ATP2A2: variants seen among roughly 807,000 people sequenced by gnomAD.
ATP2A2 encodes the protein sarcoplasmic/endoplasmic reticulum calcium ATPase 2.
Under a neutral mutation model 109.3 loss-of-function variants are expected in ATP2A2, and 14 were observed. The observed-to-expected ratio is 0.13, with a 90% CI of 0.08 to 0.20. The LOEUF is 0.20. Ranked by LOEUF, ATP2A2 falls within the 10% of genes least tolerant of loss-of-function variation. The probability of loss-of-function intolerance (pLI) is 1.00; values close to 1 mark genes in which losing one functional copy is unlikely to be tolerated. For synonymous variants in ATP2A2, 506 were observed against 490.9 expected (o/e 1.03, Z -0.41); for missense variants, 657 against 1,321.6 (o/e 0.50, Z 7.80).
intron 5 of ATP2A2, among the ~76,000 whole-genome samples, chr12:110,305,341 G>T (rs1399806805): frequency 6.6e-6 from 1 of 152,152 alleles, no homozygotes; most frequent in African/African-American, 2.4e-5. Flanking sequence ...AGTGGAGGCT[G>T]CAGTGAGCTA....
At chr12:110,292,962 A>G (rs979083641) in intron 4 of ATP2A2, among the ~76,000 whole-genome samples, 3 of 152,190 alleles carry the variant, frequency 2.0e-5, no homozygotes, top group African/African-American at 4.8e-5. Flanking sequence ...AGGTTTAGCT[A>G]TAAAAATTGT....
chr12:110,293,870 ATTTTTTTTTTTTTT>A (rs398021049), intron 4 of ATP2A2, among the ~76,000 whole-genome samples: 2 of 73,342 alleles, frequency 2.7e-5, no homozygotes, highest in African/African-American at 6.2e-5. Flanking sequence ...GTGTGTATAT[ATTTTTTTTTTTTTT>A]TTTTTTTTTT....
At chr12:110,303,570 C>G (rs562267236) in intron 5 of ATP2A2, among the ~76,000 whole-genome samples, 1 of 152,214 alleles carries the variant, frequency 6.6e-6, no homozygotes, top group South Asian at 2.1e-4. Flanking sequence ...ACCACCACGC[C>G]CAGCTAATTT....
intron 5 of ATP2A2, among the ~76,000 whole-genome samples, chr12:110,319,028 C>G (rs1876959914): frequency 6.6e-6 from 1 of 151,802 alleles, no homozygotes; most frequent in Non-Finnish European, 1.5e-5. Context: ...TTTGTAAAAC[C>G]TTTTTAAAAA....
Position 110,344,838 on chromosome 12 carries a change from C to T in ATP2A2, c.2522-48C>T, listed in dbSNP as rs779245524. 1.4e-5 allele frequency: 22 copies of T among 1,574,078 alleles called. 1 individual carries two copies. The highest frequency in any genetic ancestry group is 1.1e-4 in the South Asian group (10 of 90,304). On this transcript the variant is annotated intron_variant, in intron 16 of 19. Coordinates refer to ENST00000539276, the MANE Select transcript of ATP2A2 (RefSeq NM_170665.4). ...CTGGCCTGCATGGCCTCGGTGGCAG[C>T]GAGCCCTGCAGAGGCAAGTGCATCA...
chr12:110,326,677 A>G (rs1877835147), intron 7 of ATP2A2, among the ~76,000 whole-genome samples: 1 of 152,248 alleles, frequency 6.6e-6, no homozygotes, highest in South Asian at 2.1e-4. Flanking sequence ...GGGGGACCAA[A>G]AAATAATGAC....
At chr12:110,343,795 G>A (rs1879583327) in intron 16 of ATP2A2, among the ~76,000 whole-genome samples, 1 of 152,188 alleles carries the variant, frequency 6.6e-6, no homozygotes, top group Non-Finnish European at 1.5e-5. Context: ...ATAAAATTTA[G>A]TCCCTGTTTC....
rs370098835 is a variant in ATP2A2, at chr12:110,342,205, C to G, written c.2098-23C>G. On this transcript the variant is annotated intron_variant, in intron 14 of 19. Coordinates refer to ENST00000539276, the MANE Select transcript of ATP2A2 (RefSeq NM_170665.4). The surrounding 1 kb of genome is among the most constrained non-coding windows in gnomAD (Gnocchi z 4.6). ...GAATGTGGCATGCCAGTTGGCTGACCCAACCATTGCTTTCCCTTTCAGACT... is the reference window on the plus strand; with the variant it reads ...GAATGTGGCATGCCAGTTGGCTGACGCAACCATTGCTTTCCCTTTCAGACT... The G allele has an allele frequency of 3.9e-5, 63 of 1,614,014 alleles. No individual in the cohort carries two copies. The highest frequency in any genetic ancestry group is 5.0e-5 in the Non-Finnish European group (59 of 1,179,982).
At chr12:110,332,234 A>C (rs151072280) in intron 8 of ATP2A2, 1 of 320,868 alleles carries the variant, frequency 3.1e-6, no homozygotes, top group Non-Finnish European at 6.0e-6. Flanking sequence ...GAGCAATCTA[A>C]AGAGTAACTT....
At chr12:110,321,145 T>C (rs139435961) in intron 5 of ATP2A2, among the ~76,000 whole-genome samples, 2,448 of 152,288 alleles carry the variant, frequency 0.016, 35 homozygotes, top group South Asian at 0.054. Flanking sequence ...GGGGAATCGC[T>C]TGAACCCGGG....
rs1197574729 is a variant in ATP2A2, at chr12:110,347,688, A to ATGTT, written c.*1221_*1224dup. ...ACCACCACCACCGTTACTACGATCA[A>ATGTT]TGTTTGCGCATGTTCGAGATGAGTC... On this transcript the variant is annotated 3_prime_UTR_variant, in exon 20 of 20. Coordinates refer to ENST00000539276, the MANE Select transcript of ATP2A2 (RefSeq NM_170665.4). The ATGTT allele has an allele frequency of 1.5e-5, 17 of 1,170,112 alleles. No individual in the cohort carries two copies. In the African/African-American group the frequency reaches 1.6e-4, roughly 11 times the overall value. The allele number at this position is 1,170,112 out of a possible 1,614,324, so 72.5% of individuals were successfully genotyped here. A position where few individuals can be genotyped will look rare whatever the true frequency, so the allele number is the denominator to read the frequency against.
intron 4 of ATP2A2, among the ~76,000 whole-genome samples, chr12:110,292,880 G>A (rs1005143869): frequency 1.3e-5 from 2 of 152,160 alleles, no homozygotes; most frequent in African/African-American, 2.4e-5. Flanking sequence ...TTATCTTTAT[G>A]TCTCCTAGTT....
Position 110,327,892 on chromosome 12 carries a change from C to G in ATP2A2, c.970C>G (p.Arg324Gly). 6.2e-7 allele frequency: 1 copy of G among 1,613,996 alleles called. No homozygotes were observed. Among genetic ancestry groups the G allele is most frequent in the Non-Finnish European group, 8.5e-7 (1 of 1,179,904 alleles). ...VITTCLALGT[R>G]RMAKKNAIVR... Reference sequence around the variant, plus strand: ...CACCACCTGCCTGGCTCTTGGAACTCGCAGAATGGCAAAGAAAAATGCCAT... The same window carrying G: ...CACCACCTGCCTGGCTCTTGGAACTGGCAGAATGGCAAAGAAAAATGCCAT... The change falls in exon 8 of 20, where the codon CGC becomes GGC. Residue 324 changes from arginine to glycine, a missense_variant. By Grantham distance (125) the Arg-to-Gly change is moderately radical. This residue lies in a region of ATP2A2 where 136 missense variants were observed against 343.9 expected (regional missense o/e 0.40). Transcript: ENST00000539276. The surrounding 1 kb of genome is among the most constrained non-coding windows in gnomAD (Gnocchi z 4.4).
intron 3 of ATP2A2, among the ~76,000 whole-genome samples, chr12:110,285,720 A>T (rs1450328190): frequency 6.6e-6 from 1 of 152,170 alleles, no homozygotes; most frequent in South Asian, 2.1e-4. Context: ...TAAATCATAA[A>T]GTCATAATTA....
Position 110,348,744 on chromosome 12 carries a change from C to T in ATP2A2, c.*2274C>T. The T allele has an allele frequency of 1.0e-6, 1 of 985,462 alleles. No individual in the cohort carries two copies. The highest frequency in any genetic ancestry group is 1.2e-6 in the Non-Finnish European group (1 of 829,978). The allele number at this position is 985,462 out of a possible 1,614,324, so 61.0% of individuals were successfully genotyped here. A position where few individuals can be genotyped will look rare whatever the true frequency, so the allele number is the denominator to read the frequency against. ...ACTGTGAAGCCTCCAAGGCTGCTCG[C>T]AGGCAGCTGTGGCTCTCGGGAAGGG... On this transcript the variant is annotated 3_prime_UTR_variant, in exon 20 of 20. Transcript: ENST00000539276.
At chr12:110,333,058 T>C in intron 9 of ATP2A2, 123 bp from the exon 10 acceptor site, 1 of 888,384 alleles carries the variant, frequency 1.1e-6, no homozygotes, top group Non-Finnish European at 1.9e-6. Context: ...GTTTGGAATT[T>C]TTTCCAGTAT....
chr12:110,332,317 G>A, intron 8 of ATP2A2: 1 of 436,412 alleles, frequency 2.3e-6, no homozygotes, highest in South Asian at 2.2e-5. Context: ...TGTGTCTTTG[G>A]TGCCACTGCT....
chr12:110,315,620 A>C (rs1876580375), intron 5 of ATP2A2, among the ~76,000 whole-genome samples: 1 of 152,116 alleles, frequency 6.6e-6, no homozygotes, highest in South Asian at 2.1e-4. Context: ...AGGACTGTCA[A>C]ATGTTAGCAG....
rs1416918826 is a variant in ATP2A2, at chr12:110,281,917, G to C, written c.118+10G>C. 1 of 1,566,996 alleles carries C rather than the reference G, an allele frequency of 6.4e-7. No homozygotes were observed. ...AGATGGGGCTCCAACGGTAGGTGCAGGGCGCTCCGCTGCAGGGGCCCGGCG... is the reference window on the plus strand; with the variant it reads ...AGATGGGGCTCCAACGGTAGGTGCACGGCGCTCCGCTGCAGGGGCCCGGCG... On this transcript the variant is annotated intron_variant, in intron 1 of 19. Transcript: ENST00000539276.
Sources: allele counts gnomAD v4.1 joint callset (sites outside exome capture counted in the v4.1 genomes callset), GRCh38; gene constraint gnomAD v4.1.1; regional missense constraint gnomAD v4.1.1; non-coding constraint Gnocchi (gnomAD v3.1); transcripts MANE v1.5; gene names NCBI Gene and HGNC (gene_info 2026-07-23, HGNC 2026-07-21).